Variants in CTNNB1 observed in about 807,000 individuals in gnomAD.
The protein encoded by CTNNB1 is catenin beta-1.
Under a neutral mutation model 82.5 loss-of-function variants are expected in CTNNB1, and 6 were observed. The observed-to-expected ratio is 0.07, with a 90% CI of 0.04 to 0.14. CTNNB1 has a LOEUF of 0.14. Ranked by LOEUF, CTNNB1 falls within the 10% of genes least tolerant of loss-of-function variation. CTNNB1 has a pLI of 1.00. For synonymous variants in CTNNB1, 312 were observed against 329.7 expected, an observed-to-expected ratio of 0.95 and a Z score of 0.58; for missense variants, 529 against 980.4, an observed-to-expected ratio of 0.54 and a Z score of 6.15.
chr3:41,204,968 C>G (rs942960939), intron 1 of CTNNB1, among the ~76,000 whole-genome samples: 3 of 152,138 alleles, frequency 2.0e-5, no homozygotes, highest in African/African-American at 7.2e-5. Context: ...ATATTATCAA[C>G]TTATTTGTGA....
At chr3:41,215,695 A>G (rs1182563841) in intron 1 of CTNNB1, among the ~76,000 whole-genome samples, 1 of 152,172 alleles carries the variant, frequency 6.6e-6, no homozygotes, top group African/African-American at 2.4e-5. Context: ...CGTCGAGTAG[A>G]GGAAGGTTAT....
chr3:41,237,781 ATAT>A, intron 13 of CTNNB1: 1 of 529,334 alleles, frequency 1.9e-6, no homozygotes, highest in Admixed American at 3.2e-5. Context: ...GCTTAATATA[ATAT>A]TTGTTGAAAG....
chr3:41,209,975 A>G lies in CTNNB1; in HGVS notation c.-49+10305A>G, dbSNP rs140742180. ...AGGTTTTAAAAGACTTTTTTCTATA[A>G]TAAACCTTAAATTACTGTCACTTTT... On this transcript the variant is annotated intron_variant, in intron 1 of 14. Coordinates refer to ENST00000349496, the MANE Select transcript of CTNNB1 (RefSeq NM_001904.4). 2.9e-4 allele frequency among the ~76,000 whole-genome samples: 44 copies of G among 152,324 alleles called. No homozygotes were observed. The East Asian group carries it at 7.7e-3, about 27-fold the overall frequency.
chr3:41,199,707 G>T (rs1231179336), intron 1 of CTNNB1, 37 bp downstream of exon 1: 1 of 152,116 alleles, frequency 6.6e-6, no homozygotes, highest in African/African-American at 2.4e-5. Context: ...TTCCGGGGCT[G>T]CTCCCGCTTC....
intron 7 of CTNNB1, 110 bp from the exon 8 acceptor site, chr3:41,233,231 G>A (rs11564455): frequency 2.2e-6 from 2 of 907,764 alleles, no homozygotes; most frequent in East Asian, 5.2e-5. Flanking sequence ...GTGAAAGGAA[G>A]TAAACTCTGG....
intron 7 of CTNNB1, among the ~76,000 whole-genome samples, chr3:41,232,961 TC>T (rs1376547768): frequency 6.6e-6 from 1 of 152,212 alleles, no homozygotes; most frequent in African/African-American, 2.4e-5. Context: ...GGTAGGAACT[TC>T]TGAATATTTT....
chr3:41,237,803 A>T (rs1224362989), intron 13 of CTNNB1: 2 of 560,736 alleles, frequency 3.6e-6, no homozygotes, highest in Non-Finnish European at 6.4e-6. Flanking sequence ...AGAACAAGTC[A>T]GTGAGTATTT....
intron 1 of CTNNB1, among the ~76,000 whole-genome samples, chr3:41,223,698 AAT>A (rs1287192383): frequency 2.6e-5 from 4 of 152,176 alleles, no homozygotes; most frequent in African/African-American, 9.7e-5. Flanking sequence ...CTGATTTTTG[AAT>A]AGTGTTTTCC....
rs2125656135 is a variant in CTNNB1 at position 41,240,036 on chromosome 3, CGTAGT to C, written c.*697_*701del. On this transcript the variant is annotated 3_prime_UTR_variant, in exon 15 of 15. Coordinates refer to ENST00000349496, the MANE Select transcript of CTNNB1 (RefSeq NM_001904.4). ...TGCAGTAACTGTTTTTTAAGTCTCT[CGTAGT>C]GTTAAGTTATAGTGAATACTGCTAC... The C allele has an allele frequency of 1.0e-5, 1 of 96,354 alleles. No homozygotes were observed. Among genetic ancestry groups the C allele is most frequent in the South Asian group, 4.4e-4 (1 of 2,288 alleles). The allele number at this position is 96,354 out of a possible 1,614,324, so 6.0% of individuals were successfully genotyped here. A position where few individuals can be genotyped will look rare whatever the true frequency, so the allele number is the denominator to read the frequency against.
chr3:41,235,641 T>C (rs2078416595), intron 10 of CTNNB1, 83 bp from the exon 11 acceptor site: 1 of 1,569,538 alleles, frequency 6.4e-7, no homozygotes. Context: ...GGGTATATAA[T>C]GTAAATAATT....
chr3:41,234,083 A>G, intron 9 of CTNNB1, 56 bp from the exon 10 acceptor site: 1 of 1,608,236 alleles, frequency 6.2e-7, no homozygotes, highest in South Asian at 1.1e-5. Context: ...TGGGAATTTT[A>G]GGGTAAGAAA....
At chr3:41,223,936 T>G in intron 1 of CTNNB1, 85 bp from the exon 2 acceptor site, 4 of 993,860 alleles carry the variant, frequency 4.0e-6, no homozygotes, top group Non-Finnish European at 6.4e-6. Flanking sequence ...GGTGTAATAG[T>G]GACATTTAAC....
intron 1 of CTNNB1, among the ~76,000 whole-genome samples, chr3:41,214,427 A>G (rs1251749703): frequency 1.1e-4 from 17 of 151,844 alleles, no homozygotes; most frequent in Admixed American, 1.1e-3. Flanking sequence ...AATCATGCAT[A>G]TGTTGTGGCT....
intron 1 of CTNNB1, among the ~76,000 whole-genome samples, chr3:41,204,599 A>G (rs1159467040): frequency 6.6e-6 from 1 of 152,228 alleles, no homozygotes; most frequent in Non-Finnish European, 1.5e-5. Context: ...AGCTCCAGCC[A>G]CTGTGTGGGA....
intron 13 of CTNNB1, 114 bp downstream of exon 13, chr3:41,236,823 C>T (rs1239250551): frequency 4.3e-6 from 6 of 1,406,412 alleles, no homozygotes; most frequent in Non-Finnish European, 5.0e-6. Flanking sequence ...GTTTCCCTGG[C>T]TTGAGTATTT....
intron 14 of CTNNB1, among the ~76,000 whole-genome samples, chr3:41,238,637 C>T (rs2078497628): frequency 2.0e-5 from 3 of 152,132 alleles, no homozygotes; most frequent in Admixed American, 2.0e-4. Flanking sequence ...ACATGTCAAC[C>T]CTAAGATAAA....
chr3:41,215,562 G>A (rs1438370138), intron 1 of CTNNB1, among the ~76,000 whole-genome samples: 1 of 151,944 alleles, frequency 6.6e-6, no homozygotes, highest in Non-Finnish European at 1.5e-5. Flanking sequence ...TATATTAAGC[G>A]AGAAGCTGTT....
intron 14 of CTNNB1, chr3:41,238,594 C>A (rs1335113408): frequency 3.1e-5 from 6 of 195,180 alleles, no homozygotes; most frequent in Non-Finnish European, 6.4e-5. Flanking sequence ...AATTATGAAA[C>A]CACTAAAGCG....
intron 12 of CTNNB1, 39 bp downstream of exon 12, chr3:41,236,538 C>T (rs775061946): frequency 6.2e-5 from 100 of 1,614,048 alleles, no homozygotes; most frequent in Non-Finnish European, 7.9e-5. Flanking sequence ...CAGATGTGTA[C>T]ATTGAAGTCT....
Sources: allele counts gnomAD v4.1 joint callset (sites outside exome capture counted in the v4.1 genomes callset), GRCh38; gene constraint gnomAD v4.1.1; transcripts MANE v1.5; gene names NCBI Gene and HGNC (gene_info 2026-07-23, HGNC 2026-07-21).